TSPEAR: variants seen among roughly 807,000 people sequenced by gnomAD.
TSPEAR encodes the protein thrombospondin-type laminin G domain and EAR repeat-containing protein.
A neutral mutation model predicts 71.6 loss-of-function variants in TSPEAR; 69 were observed. The ratio of observed to expected loss-of-function variants is 0.96; its 90% confidence interval spans 0.79 to 1.18. The LOEUF is 1.18. TSPEAR is among the 50% of genes most tolerant of loss of function. The pLI is 0.00. For missense variants in TSPEAR, 971 were observed against 894.9 expected (o/e 1.09, Z -1.09); for synonymous variants, 402 against 387.2 (o/e 1.04, Z -0.45).
intron 1 of TSPEAR, among the ~76,000 whole-genome samples, chr21:44,689,708 AATGAATATATATAT>A (rs782769826): frequency 0.073 from 2,797 of 38,494 alleles, 353 homozygotes; most frequent in Non-Finnish European, 0.098. Flanking sequence ...GACAGAATAG[AATGAATATATATAT>A]ATATATATAT....
chr21:44,550,971 C>T, intron 2 of TSPEAR: 3 of 1,612,760 alleles, frequency 1.9e-6, no homozygotes, highest in Non-Finnish European at 2.5e-6. Flanking sequence ...AGACTGCTGG[C>T]AGCATGAAGA....
At chr21:44,613,770 G>A (rs1157098432) in intron 1 of TSPEAR, among the ~76,000 whole-genome samples, 1 of 152,092 alleles carries the variant, frequency 6.6e-6, no homozygotes, top group Admixed American at 6.5e-5. Context: ...GGATGGGATG[G>A]GGGGATGCTT....
At chr21:44,588,958 C>T (rs889317500) in intron 1 of TSPEAR, among the ~76,000 whole-genome samples, 8 of 151,684 alleles carry the variant, frequency 5.3e-5, no homozygotes, top group Admixed American at 4.6e-4. Flanking sequence ...TATGAGGATA[C>T]AAAGGCATAA....
intron 9 of TSPEAR, among the ~76,000 whole-genome samples, chr21:44,514,966 C>T (rs1189582311): frequency 6.6e-6 from 1 of 152,166 alleles, no homozygotes; most frequent in East Asian, 1.9e-4. Context: ...GGAATGCGCC[C>T]ACCCTGTGTT....
At chr21:44,564,137 AT>A (rs782173649) in intron 2 of TSPEAR, among the ~76,000 whole-genome samples, 1 of 152,202 alleles carries the variant, frequency 6.6e-6, no homozygotes, top group African/African-American at 2.4e-5. Flanking sequence ...GGGAACATGC[AT>A]TTTGGGAGAC....
At chr21:44,518,108 GCT>G (rs143477072) in intron 9 of TSPEAR, 41 of 355,636 alleles carry the variant, frequency 1.2e-4, no homozygotes, top group East Asian at 4.7e-4. Context: ...TAATGTCCAA[GCT>G]CTCTGTCTCA....
chr21:44,682,042 C>T (rs782499835), intron 1 of TSPEAR: 11 of 1,614,016 alleles, frequency 6.8e-6, no homozygotes, highest in South Asian at 2.2e-5. Context: ...TGGCAGCCCA[C>T]GGGGATGTAA....
At chr21:44,614,044 C>G (rs1555931862) in intron 1 of TSPEAR, among the ~76,000 whole-genome samples, 1 of 152,180 alleles carries the variant, frequency 6.6e-6, no homozygotes, top group African/African-American at 2.4e-5. Flanking sequence ...CTTGCCCATC[C>G]TGCCGTAGGT....
chr21:44,539,922 G>A (rs782661007), intron 2 of TSPEAR: 4 of 1,613,942 alleles, frequency 2.5e-6, no homozygotes, highest in Middle Eastern at 3.4e-4. Context: ...CAGCACGAGG[G>A]CGTGCAGGAG....
rs1555918804 is a variant in TSPEAR, at chr21:44,551,230, G to T, written c.303+16555C>A. 1 of 1,614,046 alleles carries T rather than the reference G, an allele frequency of 6.2e-7. No homozygotes were observed. On this transcript the variant is annotated intron_variant, in intron 2 of 11. Transcript: ENST00000323084. ...CAGCTAGACTGCTGGCAGCACGAGGGCGTGCAGGAGCTGGTGCAGCCTGAT... is the reference window on the plus strand; with the variant it reads ...CAGCTAGACTGCTGGCAGCACGAGGTCGTGCAGGAGCTGGTGCAGCCTGAT...
Position 44,695,185 on chromosome 21 carries a change from C to T in TSPEAR, c.82+16248G>A, listed in dbSNP as rs1437631937. 2.0e-5 allele frequency among the ~76,000 whole-genome samples: 3 copies of T among 152,184 alleles called. No homozygotes were observed. Among genetic ancestry groups the T allele is most frequent in the Non-Finnish European group, 2.9e-5 (2 of 68,032 alleles). Reference sequence around the variant, plus strand: ...TGTGGGGAACCTATCCAGCCTCCCCCGACCCCACCCCAACTCCTGTGGCTT... The same window carrying T: ...TGTGGGGAACCTATCCAGCCTCCCCTGACCCCACCCCAACTCCTGTGGCTT... On this transcript the variant is annotated intron_variant, in intron 1 of 11. Transcript: ENST00000323084. This position sits in a 1 kb window ranked among gnomAD's most constrained non-coding sequence, Gnocchi z 4.5.
intron 1 of TSPEAR, among the ~76,000 whole-genome samples, chr21:44,608,202 T>C (rs587713686): frequency 6.6e-6 from 1 of 152,358 alleles, no homozygotes; most frequent in East Asian, 1.9e-4. Context: ...TTTTACAGCA[T>C]GTAATCATAC....
intron 1 of TSPEAR, among the ~76,000 whole-genome samples, chr21:44,615,076 T>C (rs1981986103): frequency 6.6e-6 from 1 of 152,172 alleles, no homozygotes; most frequent in Admixed American, 6.5e-5. Flanking sequence ...ACCACTGCTT[T>C]GGGAAGAGGC....
chr21:44,551,280 G>T lies in TSPEAR; in HGVS notation c.303+16505C>A, dbSNP rs587750879. The T allele has an allele frequency of 2.7e-5, 44 of 1,613,556 alleles. 1 individual carries two copies. In the East Asian group the frequency reaches 4.5e-4, roughly 16 times the overall value. ...TTGGCAGGCGCTGGGCTCACAGGCC[G>T]CCTGGCAGCAGGGGCTGGACACACA... On this transcript the variant is annotated intron_variant, in intron 2 of 11. Transcript: ENST00000323084.
intron 2 of TSPEAR, among the ~76,000 whole-genome samples, chr21:44,567,463 G>T (rs1555921877): frequency 6.6e-6 from 1 of 152,114 alleles, no homozygotes; most frequent in African/African-American, 2.4e-5. Flanking sequence ...TTAGATAAAT[G>T]GGTCTACAAA....
chr21:44,592,479 G>A lies in TSPEAR; in HGVS notation c.83-24474C>T, dbSNP rs73907037. On this transcript the variant is annotated intron_variant, in intron 1 of 11. Transcript: ENST00000323084. ...TGGAGCAGACGGACATGGTGGACGC[G>A]GCCATGCTGGGGTTGAACTGGTGGA... 4.3e-3 allele frequency: 6,850 copies of A among 1,608,472 alleles called. 247 individuals carry two copies. In the African/African-American group the frequency reaches 0.081, roughly 19 times the overall value.
At chr21:44,544,657 T>C (rs1010979641) in intron 2 of TSPEAR, among the ~76,000 whole-genome samples, 3 of 152,136 alleles carry the variant, frequency 2.0e-5, no homozygotes, top group Non-Finnish European at 4.4e-5. Context: ...GGGACCTGTC[T>C]AGTGAGAGCA....
At chr21:44,599,134 T>TCTCTCTCTCTCTCTCTCTCTCTCTC (rs1980573681) in intron 1 of TSPEAR, among the ~76,000 whole-genome samples, 8 of 92,280 alleles carry the variant, frequency 8.7e-5, no homozygotes, top group African/African-American at 2.3e-4. Flanking sequence ...GGCCCCCATT[T>TCTCTCTCTCTCTCTCTCTCTCTCTC]TCTCTCTCTC....
intron 1 of TSPEAR, among the ~76,000 whole-genome samples, chr21:44,669,193 G>T (rs1985934202): frequency 6.6e-6 from 1 of 152,214 alleles, no homozygotes; most frequent in African/African-American, 2.4e-5. Context: ...GGGAGGGCAA[G>T]GCGGCTGGAT....
Sources: gnomAD v4.1 joint callset for allele counts (sites outside exome capture counted in the v4.1 genomes callset) on GRCh38, gnomAD v4.1.1 for gene constraint, Gnocchi (gnomAD v3.1) non-coding constraint, MANE v1.5 for transcripts, NCBI Gene and HGNC (gene_info 2026-07-23, HGNC 2026-07-21) for gene names.